JAZF1: variants seen among roughly 807,000 people sequenced by gnomAD.
JAZF1 encodes the protein juxtaposed with another zinc finger protein 1.
In JAZF1, 8 loss-of-function variants were observed where a neutral mutation model predicts 26.4. That is an observed-to-expected ratio of 0.30 (90% CI 0.18 to 0.55). JAZF1 has a LOEUF of 0.55. JAZF1 is among the 20% of genes least tolerant of loss of function. JAZF1 has a pLI of 0.94. For missense variants in JAZF1, 199 were observed against 322.0 expected (o/e 0.62, Z 2.92); for synonymous variants, 126 against 122.3 (o/e 1.03, Z -0.20).
At chr7:27,844,132 C>T (rs1282993365) in intron 3 of JAZF1, 3 of 152,256 alleles carry the variant, frequency 2.0e-5, no homozygotes, top group Non-Finnish European at 4.4e-5. Flanking sequence ...GTCACAGGCG[C>T]TCAGATGCTG....
At chr7:28,069,925 T>C (rs1432222417) in intron 1 of JAZF1, among the ~76,000 whole-genome samples, 1 of 152,148 alleles carries the variant, frequency 6.6e-6, no homozygotes, top group Non-Finnish European at 1.5e-5. Context: ...CCCCTGACCT[T>C]GAGGCCCACA....
Position 28,097,302 on chromosome 7 carries a change from T to A in JAZF1, c.115+83161A>T, listed in dbSNP as rs548502385. 9.2e-5 allele frequency among the ~76,000 whole-genome samples: 14 copies of A among 152,352 alleles called. No homozygotes were observed. The East Asian group carries it at 9.6e-4, about 10-fold the overall frequency. ...ATTTTCTAAGTACAGACTTTTTTTTTAAATTTAGATGCTGCTAATTTGCCA... is the reference window on the plus strand; with the variant it reads ...ATTTTCTAAGTACAGACTTTTTTTTAAAATTTAGATGCTGCTAATTTGCCA... On this transcript the variant is annotated intron_variant, in intron 1 of 4. Transcript: ENST00000283928.
chr7:28,146,530 TAAAC>T (rs943789389), intron 1 of JAZF1, among the ~76,000 whole-genome samples: 3 of 152,196 alleles, frequency 2.0e-5, no homozygotes, highest in African/African-American at 7.2e-5. Flanking sequence ...TATGCCTTCT[TAAAC>T]AGAGTCTACT....
chr7:28,140,372 C>T (rs1165539233), intron 1 of JAZF1, among the ~76,000 whole-genome samples: 1 of 152,136 alleles, frequency 6.6e-6, no homozygotes, highest in Non-Finnish European at 1.5e-5. Context: ...CATGAGCCAC[C>T]ATGCCCAGCC....
chr7:28,113,110 CTTG>C (rs1157834158), intron 1 of JAZF1, among the ~76,000 whole-genome samples: 2 of 152,168 alleles, frequency 1.3e-5, no homozygotes, highest in Non-Finnish European at 2.9e-5. Context: ...ATGACACAGC[CTTG>C]TTGTGCAACA....
chr7:27,898,327 T>C (rs1227097952), intron 2 of JAZF1, among the ~76,000 whole-genome samples: 1 of 115,208 alleles, frequency 8.7e-6, no homozygotes, highest in Non-Finnish European at 1.8e-5. Context: ...TTTTTTTTTT[T>C]TTTGAGATGG....
chr7:28,112,457 G>T (rs1354073001), intron 1 of JAZF1, among the ~76,000 whole-genome samples: 1 of 152,008 alleles, frequency 6.6e-6, no homozygotes, highest in African/African-American at 2.4e-5. Context: ...TTGTAAAGTT[G>T]GTTTTAAAAA....
At chr7:28,050,391 A>G (rs908999864) in intron 1 of JAZF1, among the ~76,000 whole-genome samples, 4 of 152,180 alleles carry the variant, frequency 2.6e-5, no homozygotes, top group Non-Finnish European at 5.9e-5. Context: ...GGGGTGATGA[A>G]AATGTCCTGA....
At chr7:27,914,686 C>T (rs953221673) in intron 2 of JAZF1, 32 of 470,708 alleles carry the variant, frequency 6.8e-5, no homozygotes, top group East Asian at 6.9e-5. Flanking sequence ...CTAGATCTCC[C>T]ATATAGATAT....
chr7:28,142,008 C>T (rs1054188615), intron 1 of JAZF1, among the ~76,000 whole-genome samples: 18 of 152,000 alleles, frequency 1.2e-4, no homozygotes, highest in African/African-American at 3.6e-4. Context: ...AAATATGTGG[C>T]GGTCATTAGA....
chr7:27,859,748 T>C (rs916691574), intron 3 of JAZF1, among the ~76,000 whole-genome samples: 6 of 152,094 alleles, frequency 3.9e-5, no homozygotes, highest in African/African-American at 1.2e-4. Context: ...AGGGATAGCA[T>C]TAGAAGAAAT....
chr7:27,875,947 G>GCACTTA (rs1783671559), intron 3 of JAZF1, among the ~76,000 whole-genome samples: 1 of 152,246 alleles, frequency 6.6e-6, no homozygotes, highest in South Asian at 2.1e-4. Context: ...AGTCCTCAGA[G>GCACTTA]GCAGCAGAGG....
At chr7:28,032,392 T>C (rs1241498819) in intron 1 of JAZF1, among the ~76,000 whole-genome samples, 10 of 152,222 alleles carry the variant, frequency 6.6e-5, no homozygotes, top group Non-Finnish European at 1.3e-4. Flanking sequence ...TTACTGGCTT[T>C]CTTTGTAAGA....
intron 1 of JAZF1, among the ~76,000 whole-genome samples, chr7:28,097,493 T>G (rs1173302218): frequency 6.6e-6 from 1 of 152,244 alleles, no homozygotes; most frequent in Non-Finnish European, 1.5e-5. Flanking sequence ...AATTCCTGCC[T>G]CAGAGCTTGT....
chr7:28,098,193 G>C (rs1021976543), intron 1 of JAZF1, among the ~76,000 whole-genome samples: 9 of 152,194 alleles, frequency 5.9e-5, no homozygotes, highest in Admixed American at 2.6e-4. Context: ...AAACCAGAGA[G>C]TTTTTCTTCT....
At chr7:28,082,287 T>C (rs1283355799) in intron 1 of JAZF1, among the ~76,000 whole-genome samples, 2 of 152,080 alleles carry the variant, frequency 1.3e-5, no homozygotes, top group African/African-American at 4.8e-5. Context: ...CTTGCAGCCC[T>C]TGTCTATTTG....
intron 1 of JAZF1, among the ~76,000 whole-genome samples, chr7:28,133,929 C>T (rs1292941591): frequency 6.6e-6 from 1 of 152,232 alleles, no homozygotes; most frequent in African/African-American, 2.4e-5. Context: ...TACATAATGA[C>T]TTGTCTCTAT....
chr7:27,939,316 G>A (rs1229672047), intron 2 of JAZF1, among the ~76,000 whole-genome samples: 1 of 152,232 alleles, frequency 6.6e-6, no homozygotes, highest in African/African-American at 2.4e-5. Context: ...TAAAATAGGT[G>A]GAAATCACAG....
chr7:28,086,365 C>T (rs975283284), intron 1 of JAZF1, among the ~76,000 whole-genome samples: 1 of 152,136 alleles, frequency 6.6e-6, no homozygotes, highest in Non-Finnish European at 1.5e-5. Context: ...TTCCAATCTG[C>T]CCAAATTAAA....
Sources: allele counts gnomAD v4.1 joint callset (sites outside exome capture counted in the v4.1 genomes callset), GRCh38; gene constraint gnomAD v4.1.1; transcripts MANE v1.5; gene names NCBI Gene and HGNC (gene_info 2026-07-23, HGNC 2026-07-21).